KCNE1: variants seen among roughly 807,000 people sequenced by gnomAD.
The protein encoded by KCNE1 is potassium voltage-gated channel subfamily E regulatory subunit 1, also known as potassium voltage-gated channel subfamily E member 1.
KCNE1 carries 1 observed loss-of-function variant against 2.9 expected under a neutral mutation model. The ratio of observed to expected loss-of-function variants is 0.34; its 90% CI spans 0.12 to 1.62. The LOEUF (loss-of-function observed/expected upper bound fraction) is 1.62. KCNE1 is among the 40% of genes most tolerant of loss of function. The pLI, the probability that KCNE1 is intolerant of heterozygous loss-of-function variation, is 0.36. For missense variants in KCNE1, 45 were observed against 150.5 expected, an observed-to-expected ratio of 0.30 and a Z score of 3.67; for synonymous variants, 23 against 65.4, an observed-to-expected ratio of 0.35 and a Z score of 3.13.
At chr21:34,508,965 T>C (rs921048737) in intron 2 of KCNE1, among the ~76,000 whole-genome samples, 3 of 152,228 alleles carry the variant, frequency 2.0e-5, no homozygotes, top group African/African-American at 7.2e-5. Context: ...AAAAATGTAG[T>C]GGTATAAAAC....
At chr21:34,496,428 T>C (rs1364631277) in intron 2 of KCNE1, among the ~76,000 whole-genome samples, 18 of 152,222 alleles carry the variant, frequency 1.2e-4, no homozygotes, top group Non-Finnish European at 7.3e-5. Flanking sequence ...CCAAAGGTCA[T>C]TCAGGAGCAG....
intron 2 of KCNE1, among the ~76,000 whole-genome samples, chr21:34,498,679 G>T (rs982457787): frequency 6.6e-6 from 1 of 152,254 alleles, no homozygotes; most frequent in African/African-American, 2.4e-5. Flanking sequence ...TCAAATGCTT[G>T]TTATGTTAAC....
Position 34,511,085 on chromosome 21 carries a change from A to T in KCNE1, c.-162+16T>A. On this transcript the variant is annotated intron_variant, in intron 2 of 3. Coordinates refer to ENST00000399286, the MANE Select transcript of KCNE1 (RefSeq NM_000219.6). ...GCCTAACTGAGGAAAGGGTCTGTGC[A>T]ACCCCCTTCTCCTACCAGTTCTCGT... is the stretch of plus-strand genomic sequence containing the variant. 1.1e-6 allele frequency: 1 copy of T among 949,154 alleles called. No homozygotes were observed. The highest frequency in any genetic ancestry group is 6.2e-5 in the Admixed American group (1 of 16,238). 58.8% of individuals were successfully genotyped at this position (949,154 alleles called of 1,614,324 possible).
At chr21:34,502,905 A>G (rs1329900725) in intron 2 of KCNE1, among the ~76,000 whole-genome samples, 1 of 152,136 alleles carries the variant, frequency 6.6e-6, no homozygotes, top group Non-Finnish European at 1.5e-5. Context: ...GCATAAGCCT[A>G]CAGTGCTTTC....
Position 34,505,008 on chromosome 21 carries a change from C to G in KCNE1, c.-162+6093G>C, listed in dbSNP as rs546763766. On this transcript the variant is annotated intron_variant, in intron 2 of 3. Transcript: ENST00000399286. Reference sequence around the variant, plus strand: ...TGACCGAAGTGATGGTTGCACATATCTGTGAATAGACCAAAAACCATTGAT... The same window carrying G: ...TGACCGAAGTGATGGTTGCACATATGTGTGAATAGACCAAAAACCATTGAT... Among the ~76,000 whole-genome samples, 20 of 152,298 alleles carry G rather than the reference C, an allele frequency of 1.3e-4. No homozygotes were observed. In the South Asian group the frequency reaches 4.1e-3, roughly 32 times the overall value.
At chr21:34,498,426 G>T (rs1161173512) in intron 2 of KCNE1, among the ~76,000 whole-genome samples, 1 of 152,190 alleles carries the variant, frequency 6.6e-6, no homozygotes, top group Non-Finnish European at 1.5e-5. Flanking sequence ...CTTCCCCTAG[G>T]GATGGGGCTT....
At chr21:34,503,385 C>T (rs1197415020) in intron 2 of KCNE1, among the ~76,000 whole-genome samples, 4 of 152,188 alleles carry the variant, frequency 2.6e-5, no homozygotes, top group African/African-American at 9.7e-5. Flanking sequence ...GACCACCCTC[C>T]AGGAAGCTCC....
intron 1 of KCNE1, 89 bp downstream of exon 1, chr21:34,511,938 G>C (rs1459703367): frequency 1.3e-5 from 2 of 152,402 alleles, no homozygotes; most frequent in African/African-American, 4.8e-5. Context: ...TTGCCGCATG[G>C]CCTGAACCTA....
rs1419034728 is a variant in KCNE1, at chr21:34,446,839, A to G, written c.*2406T>C. 1.4e-5 allele frequency: 1 copy of G among 69,010 alleles called. No homozygotes were observed. The highest frequency in any genetic ancestry group is 3.2e-5 in the Non-Finnish European group (1 of 31,610). 4.3% of individuals were successfully genotyped at this position (69,010 alleles called of 1,614,324 possible). A position where few individuals can be genotyped will look rare whatever the true frequency, so the allele number is the denominator to read the frequency against. ...TAGAACAGTACATGGTGCATAGCAA[A>G]GACTCTGTGTATGTGAAGCCAGATT... On this transcript the variant is annotated 3_prime_UTR_variant, in exon 4 of 4. Transcript: ENST00000399286.
intron 2 of KCNE1, among the ~76,000 whole-genome samples, chr21:34,503,801 T>C (rs536993568): frequency 6.6e-6 from 1 of 152,346 alleles, no homozygotes; most frequent in Admixed American, 6.5e-5. Context: ...CCTGTTTTAC[T>C]CTAAACAAAG....
At position 34,511,321 on chromosome 21, in the gene KCNE1, G is replaced by T; in HGVS notation, c.-376-6C>A. ...GCTTGTCTGTTTGGTGGTTGCTAAG[G>T]TTTGAAAAAAGCCAGCTGGAAACTT... On this transcript the variant is annotated splice_polypyrimidine_tract_variant and splice_region_variant and intron_variant, in intron 1 of 3. Coordinates refer to ENST00000399286, the MANE Select transcript of KCNE1 (RefSeq NM_000219.6). The T allele has an allele frequency of 1.0e-6, 1 of 985,606 alleles. No individual in the cohort carries two copies. Among genetic ancestry groups the T allele is most frequent in the Non-Finnish European group, 1.2e-6 (1 of 830,042 alleles). 61.1% of individuals were successfully genotyped at this position (985,606 alleles called of 1,614,324 possible).
chr21:34,506,500 G>A (rs114493655), intron 2 of KCNE1, among the ~76,000 whole-genome samples: 302 of 152,076 alleles, frequency 2.0e-3, no homozygotes, highest in African/African-American at 6.8e-3. Context: ...ATTCATGTGC[G>A]TCACCCACTT....
chr21:34,502,973 G>A (rs1179697812), intron 2 of KCNE1, among the ~76,000 whole-genome samples: 1 of 152,134 alleles, frequency 6.6e-6, no homozygotes, highest in African/African-American at 2.4e-5. Context: ...AGATAGATGG[G>A]GATTTTTCCC....
chr21:34,502,162 A>G (rs1273842052), intron 2 of KCNE1, among the ~76,000 whole-genome samples: 1 of 152,212 alleles, frequency 6.6e-6, no homozygotes, highest in African/African-American at 2.4e-5. Context: ...AACAATCAAC[A>G]TTAGCATCAC....
chr21:34,452,738 G>GTT (rs150518931), intron 3 of KCNE1, among the ~76,000 whole-genome samples: 7 of 40,946 alleles, frequency 1.7e-4, no homozygotes, highest in Admixed American at 2.9e-4. Context: ...GTTCAGTCAA[G>GTT]TTTTTTTTTT....
chr21:34,507,085 G>A (rs920666106), intron 2 of KCNE1, among the ~76,000 whole-genome samples: 3 of 152,316 alleles, frequency 2.0e-5, no homozygotes, highest in Non-Finnish European at 2.9e-5. Flanking sequence ...ACTGGTCTTC[G>A]AAGATGATCA....
Position 34,512,026 on chromosome 21 carries a change from C to T in KCNE1, c.-377+1G>A, listed in dbSNP as rs1983857369. 6.6e-6 allele frequency: 1 copy of T among 152,350 alleles called. No individual in the cohort carries two copies. The highest frequency in any genetic ancestry group is 1.5e-5 in the Non-Finnish European group (1 of 68,152). The allele number at this position is 152,350 out of a possible 1,614,324, so 9.4% of individuals were successfully genotyped here. A position where few individuals can be genotyped will look rare whatever the true frequency, so the allele number is the denominator to read the frequency against. ...CTAGTATGGCTCTCCTTCGAACTCA[C>T]CTAGACCCTTGCATCAAAGGACTCG... On this transcript the variant is annotated splice_donor_variant, in intron 1 of 3. Transcript: ENST00000399286. LOFTEE classifies it low-confidence loss of function (5UTR_SPLICE).
intron 2 of KCNE1, among the ~76,000 whole-genome samples, chr21:34,496,127 T>G (rs1273311565): frequency 6.6e-6 from 1 of 152,026 alleles, no homozygotes; most frequent in Non-Finnish European, 1.5e-5. Flanking sequence ...CAGGCTGGAG[T>G]GCAGTGGCTC....
At chr21:34,511,074 A>G in intron 2 of KCNE1, 27 bp downstream of exon 2, 1 of 908,522 alleles carries the variant, frequency 1.1e-6, no homozygotes, top group Non-Finnish European at 1.3e-6. Flanking sequence ...AACTGAGGAA[A>G]GGGTCTGTGC....
Sources: gnomAD v4.1 joint callset for allele counts (sites outside exome capture counted in the v4.1 genomes callset) on GRCh38, gnomAD v4.1.1 for gene constraint, MANE v1.5 for transcripts, NCBI Gene and HGNC (gene_info 2026-07-23, HGNC 2026-07-21) for gene names.